The following CCM2 variants were observed in gnomAD, a reference collection of about 807,000 sequenced individuals.
CCM2 encodes the protein CCM2 scaffold protein, also known as cerebral cavernous malformations 2 protein.
A neutral mutation model predicts 44.9 loss-of-function variants in CCM2; 25 were observed. That is an observed-to-expected ratio of 0.56 (90% confidence interval 0.41 to 0.78). The LOEUF (loss-of-function observed/expected upper bound fraction) is 0.78, where lower values mean the gene tolerates loss of function less well. Ranked by LOEUF, CCM2 falls within the 30% of genes least tolerant of loss-of-function variation. The pLI, the probability that CCM2 is intolerant of heterozygous loss-of-function variation, is 0.00. For missense variants in CCM2, 481 were observed against 580.6 expected (o/e 0.83, Z 1.76); for synonymous variants, 219 against 241.1 (o/e 0.91, Z 0.85).
intron 1 of CCM2, among the ~76,000 whole-genome samples, chr7:45,028,671 G>T (rs555331583): frequency 6.6e-6 from 1 of 151,688 alleles, no homozygotes; most frequent in Admixed American, 6.6e-5. Flanking sequence ...AAAAAGAAAA[G>T]AAAGAAATTA....
At chr7:45,046,496 A>G (rs1797762963) in intron 2 of CCM2, among the ~76,000 whole-genome samples, 1 of 152,236 alleles carries the variant, frequency 6.6e-6, no homozygotes, top group African/African-American at 2.4e-5. Context: ...TCAGTGGAGA[A>G]GGGATAGGAT....
chr7:45,002,698 AC>A (rs1370209775), intron 1 of CCM2, among the ~76,000 whole-genome samples: 1 of 151,998 alleles, frequency 6.6e-6, no homozygotes, highest in Non-Finnish European at 1.5e-5. Context: ...TCACCTCAGC[AC>A]ATGTGGTGAT....
intron 2 of CCM2, among the ~76,000 whole-genome samples, chr7:45,058,344 G>C (rs1263529745): frequency 6.6e-6 from 1 of 152,028 alleles, no homozygotes; most frequent in African/African-American, 2.4e-5. Flanking sequence ...AATACTTTAA[G>C]TTTTAGGGTA....
In CCM2 at chr7:45,027,949, G is replaced by A. The variant is rs1796766457; in HGVS notation, c.31-10304G>A. 1.6e-5 allele frequency: 13 copies of A among 833,580 alleles called. 1 individual carries two copies. The East Asian group carries it at 3.4e-4, about 22-fold the overall frequency. The allele number at this position is 833,580 out of a possible 1,614,324, so 51.6% of individuals were successfully genotyped here. A position where few individuals can be genotyped will look rare whatever the true frequency, so the allele number is the denominator to read the frequency against. ...CCCCTGCTTTGGGAGGATGGGGTGG[G>A]TGGAGGGTTCATTTGCTGGCTTCCT... On this transcript the variant is annotated intron_variant, in intron 1 of 9. Coordinates refer to ENST00000258781, the MANE Select transcript of CCM2 (RefSeq NM_031443.4).
intron 2 of CCM2, among the ~76,000 whole-genome samples, chr7:45,052,109 C>T (rs1229269156): frequency 2.6e-5 from 4 of 152,248 alleles, no homozygotes; most frequent in Non-Finnish European, 5.9e-5. Context: ...TCGGAAACCA[C>T]ATGCTCCACA....
In CCM2 at chr7:45,064,491, C is replaced by T. The variant is rs1798672293; in HGVS notation, c.317C>T (p.Thr106Ile). Residue 106 changes from threonine (T) to isoleucine (I), a missense_variant, in exon 4 of 10, where the codon ACT (threonine) becomes ATT (isoleucine). Thr to Ile is a moderately conservative substitution (Grantham distance 89). Coordinates refer to ENST00000258781, the MANE Select transcript of CCM2 (RefSeq NM_031443.4). The part of the protein sequence containing the change: ...KRAHQLPGHL[T>I]QEHDAVLSLS... ...GCCCACCAGCTTCCGGGACACTTGA[C>T]TCAGGAGCACGATGCTGTGCTCAGC... 4.3e-6 allele frequency: 7 copies of T among 1,613,606 alleles called. No individual in the cohort carries two copies. Among genetic ancestry groups the T allele is most frequent in the African/African-American group, 1.3e-5 (1 of 75,032 alleles).
intron 4 of CCM2, chr7:45,067,984 A>G (rs10951793): frequency 0.5 from 114,753 of 230,962 alleles, 31,095 homozygotes; most frequent in African/African-American, 0.74. Flanking sequence ...CTAGGGAGGC[A>G]ATGGGTAGGA....
intron 1 of CCM2, chr7:45,027,492 A>G: frequency 1.3e-6 from 1 of 767,188 alleles, no homozygotes; most frequent in Non-Finnish European, 2.1e-6. Context: ...GAGCTGGTTT[A>G]CTTTGTGTCT....
At chr7:45,017,762 TA>T (rs1796323457) in intron 1 of CCM2, among the ~76,000 whole-genome samples, 1 of 152,194 alleles carries the variant, frequency 6.6e-6, no homozygotes, top group African/African-American at 2.4e-5. Flanking sequence ...GGAGGGAATA[TA>T]ATGAGGTGCG....
intron 1 of CCM2, chr7:45,027,772 A>G (rs762310131): frequency 2.2e-5 from 36 of 1,614,106 alleles, no homozygotes; most frequent in Non-Finnish European, 3.0e-5. Flanking sequence ...ACAGAATTTC[A>G]CACAGGGTAT....
rs184418639 is a variant in CCM2 at position 45,039,866 on chromosome 7, A to C, written c.204+1440A>C. On this transcript the variant is annotated intron_variant, in intron 2 of 9. Coordinates refer to ENST00000258781, the MANE Select transcript of CCM2 (RefSeq NM_031443.4). ...ACATGGAGAAACCCCGTCTCTACTA[A>C]AAATACAAAAATTAGCCGGGCGTGG... Among the ~76,000 whole-genome samples the C allele has an allele frequency of 9.4e-4, 143 of 152,062 alleles. 2 individuals are homozygous for C. Among genetic ancestry groups the C allele is most frequent in the African/African-American group, 3.4e-3 (139 of 41,460 alleles).
intron 1 of CCM2, among the ~76,000 whole-genome samples, chr7:45,029,025 C>T (rs1796830761): frequency 6.6e-6 from 1 of 152,150 alleles, no homozygotes; most frequent in Non-Finnish European, 1.5e-5. Context: ...ACAGAATCAT[C>T]GCTCCAGGTT....
intron 7 of CCM2, 89 bp downstream of exon 7, chr7:45,072,872 C>T (rs11977608): frequency 1.8e-6 from 2 of 1,081,960 alleles, no homozygotes; most frequent in Non-Finnish European, 2.8e-6. Context: ...TCAGCTCCCC[C>T]ATCTCAGCTC....
At chr7:45,014,900 G>A (rs146076242) in intron 1 of CCM2, among the ~76,000 whole-genome samples, 100 of 152,296 alleles carry the variant, frequency 6.6e-4, no homozygotes, top group African/African-American at 2.1e-3. Flanking sequence ...GGAATTTCAG[G>A]CGTGAGCCAC....
intron 2 of CCM2, 126 bp from the exon 3 acceptor site, chr7:45,063,792 G>A (rs1041733264): frequency 2.2e-5 from 16 of 742,338 alleles, no homozygotes; most frequent in African/African-American, 1.6e-4. Flanking sequence ...CACGCGAGCC[G>A]GAATGGAGAC....
In CCM2 at chr7:45,038,455, CT is replaced by C. The variant is rs761427273; in HGVS notation, c.204+30del. 12 of 1,611,722 alleles carry C rather than the reference CT, an allele frequency of 7.4e-6. No individual in the cohort carries two copies. In the South Asian group the frequency reaches 1.1e-4, roughly 15 times the overall value. On this transcript the variant is annotated intron_variant, in intron 2 of 9. Coordinates refer to ENST00000258781, the MANE Select transcript of CCM2 (RefSeq NM_031443.4). The stretch of plus-strand genomic sequence containing the variant: ...AGTCGTCATGGGCCACAGGACGTGC[CT>C]GCCAAACGACAGTGACGGTCATGCT...
At chr7:45,047,000 T>C (rs532104179) in intron 2 of CCM2, among the ~76,000 whole-genome samples, 100 of 152,232 alleles carry the variant, frequency 6.6e-4, no homozygotes, top group African/African-American at 2.1e-3. Flanking sequence ...ATCAGGGAAA[T>C]GCACATTAAA....
At chr7:45,014,567 C>T (rs1269303644) in intron 1 of CCM2, among the ~76,000 whole-genome samples, 1 of 152,042 alleles carries the variant, frequency 6.6e-6, no homozygotes, top group Non-Finnish European at 1.5e-5. Context: ...CCCACCTCTG[C>T]CTCCCAAAGT....
intron 2 of CCM2, among the ~76,000 whole-genome samples, chr7:45,045,346 A>G (rs1327763433): frequency 1.3e-5 from 2 of 151,132 alleles, no homozygotes; most frequent in Admixed American, 1.3e-4. Flanking sequence ...GCTTAATAAT[A>G]CCATATGTTT....
Sources: gnomAD v4.1 joint callset for allele counts (sites outside exome capture counted in the v4.1 genomes callset) on GRCh38, gnomAD v4.1.1 for gene constraint, MANE v1.5 for transcripts, NCBI Gene and HGNC (gene_info 2026-07-23, HGNC 2026-07-21) for gene names.